The following PCDHGA2 variants were observed in gnomAD, a reference collection of about 807,000 sequenced individuals.
PCDHGA2 encodes protocadherin gamma subfamily A, 2.
A neutral mutation model predicts 59.2 loss-of-function variants in PCDHGA2; 40 were observed. That is an observed-to-expected ratio of 0.68 (90% confidence interval 0.52 to 0.88). PCDHGA2 has a LOEUF of 0.88. PCDHGA2 is among the 40% of genes least tolerant of loss of function. The pLI, the probability that PCDHGA2 is intolerant of heterozygous loss-of-function variation, is 0.00. For missense variants in PCDHGA2, 1,226 were observed against 1,204.0 expected (o/e 1.02, Z -0.27); for synonymous variants, 560 against 526.0 (o/e 1.06, Z -0.89).
chr5:141,427,428 T>A (rs1489623330), intron 1 of PCDHGA2: 1 of 470,472 alleles, frequency 2.1e-6, no homozygotes. Context: ...GGAGGTTACA[T>A]GCCTCATAAA....
chr5:141,344,855 T>C (rs916854411), intron 1 of PCDHGA2: 1 of 1,613,880 alleles, frequency 6.2e-7, no homozygotes, highest in African/African-American at 1.3e-5. Context: ...AGGGATTCAA[T>C]GCTCAAGTGT....
At position 141,432,117 on chromosome 5, in the gene PCDHGA2, C is replaced by G. The variant is rs761106133; in HGVS notation, c.2425-62690C>G. The G allele has an allele frequency of 6.2e-7, 1 of 1,614,062 alleles. No homozygotes were observed. The highest frequency in any genetic ancestry group is 8.5e-7 in the Non-Finnish European group (1 of 1,180,048). ...ACCAACGACAACCCGCCGGTCTTCC[C>G]TCAGGCCTCCTATTCCGCTTATATC... is the stretch of plus-strand genomic sequence containing the variant. On this transcript the variant is annotated intron_variant, in intron 1 of 3. Transcript: ENST00000394576. The surrounding 1 kb of genome is among the most constrained non-coding windows in gnomAD (Gnocchi z 6.0).
rs369942815 is a variant in PCDHGA2, at chr5:141,485,334, T to A, written c.2425-9473T>A. 5.4e-5 allele frequency: 87 copies of A among 1,614,056 alleles called. No individual in the cohort carries two copies. Among genetic ancestry groups the A allele is most frequent in the Non-Finnish European group, 7.0e-5 (83 of 1,180,026 alleles). On this transcript the variant is annotated intron_variant, in intron 1 of 3. Coordinates refer to ENST00000394576, the MANE Select transcript of PCDHGA2 (RefSeq NM_018915.4). The surrounding 1 kb of genome is among the most constrained non-coding windows in gnomAD (Gnocchi z 5.7). Reference sequence around the variant, plus strand: ...GGGAATGTCGCTCAAGATTTCCTGCTGGATACGGACAGTCTGTCAGCTCGC... The same window carrying A: ...GGGAATGTCGCTCAAGATTTCCTGCAGGATACGGACAGTCTGTCAGCTCGC...
intron 1 of PCDHGA2, chr5:141,403,746 C>G (rs773668506): frequency 1.2e-6 from 2 of 1,613,904 alleles, no homozygotes; most frequent in Non-Finnish European, 8.5e-7. Flanking sequence ...CTTACTGCAA[C>G]AGCCAGCGAC....
chr5:141,433,850 A>C (rs899643386), intron 1 of PCDHGA2, among the ~76,000 whole-genome samples: 2 of 151,896 alleles, frequency 1.3e-5, no homozygotes, highest in East Asian at 3.9e-4. Flanking sequence ...AAAAAAAAAA[A>C]AAAAACTTTA....
chr5:141,341,221 G>A lies in PCDHGA2; in HGVS notation c.2250G>A (p.Leu750=). 1.2e-6 allele frequency: 2 copies of A among 1,614,232 alleles called. No homozygotes were observed. The highest frequency in any genetic ancestry group is 1.3e-5 in the African/African-American group (1 of 75,062). ...GCGTGGACGGGGTTCGGGCTTTCCT[G>A]CAGACCTATTCCCACGAGGTCTCCC... ...FVGVDGVRAF[L]QTYSHEVSLT... Residue 750 remains leucine, a synonymous_variant, in exon 1 of 4, where the codon CTG becomes CTA. Transcript: ENST00000394576.
At position 141,418,594 on chromosome 5, in the gene PCDHGA2, C is replaced by G. The variant is rs775489120; in HGVS notation, c.2425-76213C>G. 2.9e-5 allele frequency: 47 copies of G among 1,613,904 alleles called. No individual in the cohort carries two copies. In the South Asian group the frequency reaches 4.6e-4, roughly 16 times the overall value. On this transcript the variant is annotated intron_variant, in intron 1 of 3. Transcript: ENST00000394576. ...ACAACCCCCCAGTGTTCAGCCAGGA[C>G]GTGTACAGGGTTAGCCTTCGGGAAG...
chr5:141,399,738 G>C (rs1484510317), intron 1 of PCDHGA2: 2 of 1,613,268 alleles, frequency 1.2e-6, no homozygotes, highest in African/African-American at 1.3e-5. Flanking sequence ...GCTCGCCTGC[G>C]CTCAGCGCAA....
intron 1 of PCDHGA2, chr5:141,355,875 T>A: frequency 6.2e-7 from 1 of 1,613,100 alleles, no homozygotes; most frequent in Non-Finnish European, 8.5e-7. Flanking sequence ...GCTCTGGCAC[T>A]GCCAGGATTC....
chr5:141,389,610 G>T (rs1488136363), intron 1 of PCDHGA2: 1 of 1,613,000 alleles, frequency 6.2e-7, no homozygotes, highest in Admixed American at 1.7e-5. Context: ...CTTCGATATG[G>T]TGCCGCACGC....
chr5:141,376,241 C>T (rs755837851), intron 1 of PCDHGA2: 1 of 1,614,118 alleles, frequency 6.2e-7, no homozygotes, highest in East Asian at 2.2e-5. Flanking sequence ...GCAGCGCTGG[C>T]ACAAGTCACG....
At chr5:141,375,821 C>T in intron 1 of PCDHGA2, 1 of 1,614,192 alleles carries the variant, frequency 6.2e-7, no homozygotes, top group Non-Finnish European at 8.5e-7. Context: ...GCTGGCGCCC[C>T]GCTCCGCAGA....
At chr5:141,448,114 A>G (rs1483138819) in intron 1 of PCDHGA2, among the ~76,000 whole-genome samples, 1 of 151,948 alleles carries the variant, frequency 6.6e-6, no homozygotes, top group Non-Finnish European at 1.5e-5. Flanking sequence ...AGAAAAGAAA[A>G]TTAGCCTCCC....
chr5:141,341,590 T>C (rs1757071068), intron 1 of PCDHGA2, 195 bp downstream of exon 1: 3 of 1,118,678 alleles, frequency 2.7e-6, no homozygotes, highest in Non-Finnish European at 3.7e-6. Context: ...GTGAGAATCT[T>C]TGTGCAATGA....
chr5:141,372,177 G>T (rs1768466663), intron 1 of PCDHGA2: 1 of 1,613,730 alleles, frequency 6.2e-7, no homozygotes, highest in African/African-American at 1.3e-5. Flanking sequence ...GGTGGCGGTG[G>T]ACGCAGACTC....
rs575856599 is a variant in PCDHGA2 at position 141,399,712 on chromosome 5, C to T, written c.2424+58317C>T. ...GCTGCGCACCTTCGAACTCACACTA[C>T]AGGCCCGCGACCAGGGCTCGCCTGC... On this transcript the variant is annotated intron_variant, in intron 1 of 3. Transcript: ENST00000394576. The T allele has an allele frequency of 7.4e-6, 12 of 1,613,378 alleles. No individual in the cohort carries two copies. In the East Asian group the frequency reaches 2.2e-4, roughly 30 times the overall value.
rs764313049 is a variant in PCDHGA2, at chr5:141,418,041, T to G, written c.2424+76646T>G. 36 of 1,613,976 alleles carry G rather than the reference T, an allele frequency of 2.2e-5. No homozygotes were observed. In the Admixed American group the frequency reaches 2.3e-4, roughly 10 times the overall value. On this transcript the variant is annotated intron_variant, in intron 1 of 3. Coordinates refer to ENST00000394576, the MANE Select transcript of PCDHGA2 (RefSeq NM_018915.4). Reference sequence around the variant, plus strand: ...GATCTAGGGCTTAGTGTCCTGGATGTGTCGGCTCGCGAGCTGCGAGTGAGC... The same window carrying G: ...GATCTAGGGCTTAGTGTCCTGGATGGGTCGGCTCGCGAGCTGCGAGTGAGC...
chr5:141,344,117 C>CG lies in PCDHGA2; in HGVS notation c.2424+2724dup, dbSNP rs771828650. The CG allele has an allele frequency of 6.2e-6, 10 of 1,613,874 alleles. No individual in the cohort carries two copies. In the East Asian group the frequency reaches 2.0e-4, roughly 32 times the overall value. ...TGGGGACGCTGTGCGAAACAGGATC[C>CG]GGTCAGATCCGCTACTCGGTGTCTG... On this transcript the variant is annotated intron_variant, in intron 1 of 3. Transcript: ENST00000394576.
chr5:141,434,253 G>C (rs979768901), intron 1 of PCDHGA2, among the ~76,000 whole-genome samples: 9 of 152,198 alleles, frequency 5.9e-5, no homozygotes, highest in Non-Finnish European at 1.3e-4. Flanking sequence ...CTTGGGCATT[G>C]TGGGGGAGGT....
Sources: gnomAD v4.1 joint callset for allele counts (sites outside exome capture counted in the v4.1 genomes callset) on GRCh38, gnomAD v4.1.1 for gene constraint, Gnocchi (gnomAD v3.1) non-coding constraint, MANE v1.5 for transcripts, NCBI Gene and HGNC (gene_info 2026-07-23, HGNC 2026-07-21) for gene names.